Variants in NGF observed in about 807,000 individuals in gnomAD.
The protein encoded by NGF is beta-nerve growth factor.
A neutral mutation model predicts 12.8 loss-of-function variants in NGF; 4 were observed. That is an observed-to-expected ratio of 0.31 (90% confidence interval 0.15 to 0.72). NGF has a LOEUF of 0.72. Among genes scored for constraint, NGF ranks in the 30% least tolerant of loss-of-function variants. The pLI is 0.69. For synonymous variants in NGF, 140 were observed against 130.0 expected (o/e 1.08, Z -0.52); for missense variants, 283 against 330.8 (o/e 0.86, Z 1.12).
intron 1 of NGF, among the ~76,000 whole-genome samples, chr1:115,316,189 C>A (rs1006351668): frequency 6.6e-6 from 1 of 152,126 alleles, no homozygotes; most frequent in Non-Finnish European, 1.5e-5. Context: ...AAGTCATCAC[C>A]CATTTGGGCT....
At chr1:115,335,393 C>T (rs1266624300) in intron 1 of NGF, among the ~76,000 whole-genome samples, 1 of 152,168 alleles carries the variant, frequency 6.6e-6, no homozygotes, top group Non-Finnish European at 1.5e-5. Flanking sequence ...CATTTATTTA[C>T]CCAATGCCAG....
chr1:115,310,956 G>A lies in NGF; in HGVS notation c.-136-17206C>T, dbSNP rs529140939. On this transcript the variant is annotated intron_variant, in intron 1 of 2. Transcript: ENST00000369512. Reference sequence around the variant, plus strand: ...GATATTTAATACATGCCTGGTACTTGCCAGGCATTATACTAGAAGCTTTTC... The same window carrying A: ...GATATTTAATACATGCCTGGTACTTACCAGGCATTATACTAGAAGCTTTTC... 3.3e-5 allele frequency among the ~76,000 whole-genome samples: 5 copies of A among 152,232 alleles called. No individual in the cohort carries two copies. The South Asian group carries it at 1.0e-3, about 32-fold the overall frequency.
chr1:115,286,221 A>G lies in NGF; in HGVS notation c.575T>C (p.Ile192Thr), dbSNP rs2101018460. The G allele has an allele frequency of 6.2e-7, 1 of 1,614,162 alleles. No homozygotes were observed. The highest frequency in any genetic ancestry group is 2.2e-5 in the East Asian group (1 of 44,858). Reference protein sequence around the residue: ...PNPVDSGCRGIDSKHWNSYCT... With the variant: ...PNPVDSGCRGTDSKHWNSYCT... ...ATATGAGTTCCAGTGCTTTGAGTCA[A>G]TGCCCCGGCACCCGCTGTCAACGGG... The change falls in exon 3 of 3, where the codon ATT becomes ACT. Residue 192 changes from isoleucine to threonine, a missense_variant. By Grantham distance (89) the Ile-to-Thr change is moderately conservative (BLOSUM62 -1). Transcript: ENST00000369512.
intron 1 of NGF, among the ~76,000 whole-genome samples, chr1:115,303,563 C>A (rs1654105985): frequency 6.6e-6 from 1 of 152,044 alleles, no homozygotes; most frequent in Non-Finnish European, 1.5e-5. Context: ...ATCATCATCA[C>A]CATCCTCCCC....
In NGF at chr1:115,286,477, C is replaced by T; in HGVS notation, c.319G>A (p.Val107Ile). ...CTGTTGAAGGGGGCAGCACCACCGA[C>T]CTCGAAGTCCAGATCCTGAGTGTCT... ...AADTQDLDFE[V>I]GGAAPFNRTH... The change falls in exon 3 of 3, where the codon GTC becomes ATC. Residue 107 changes from valine to isoleucine, a missense_variant. Around this residue, in one of 2 missense-constraint regions of NGF, gnomAD observed 132 missense variants for 189.2 expected, o/e 0.70. Transcript: ENST00000369512. 1 of 1,613,998 alleles carries T rather than the reference C, an allele frequency of 6.2e-7. No individual in the cohort carries two copies. The highest frequency in any genetic ancestry group is 8.5e-7 in the Non-Finnish European group (1 of 1,179,968).
intron 1 of NGF, among the ~76,000 whole-genome samples, chr1:115,311,113 T>G (rs923248833): frequency 3.9e-5 from 6 of 152,232 alleles, no homozygotes; most frequent in African/African-American, 1.4e-4. Context: ...AAGATTTATC[T>G]AGTTCCAAAG....
rs546941788 is a variant in NGF, at chr1:115,300,567, C to T, written c.-136-6817G>A. ...CCGAATCTGAGGACACATCAGATAC[C>T]GTCCCACTCCACACCACTCTGGAGT... On this transcript the variant is annotated intron_variant, in intron 1 of 2. Coordinates refer to ENST00000369512, the MANE Select transcript of NGF (RefSeq NM_002506.3). Among the ~76,000 whole-genome samples, 8 of 152,298 alleles carry T rather than the reference C, an allele frequency of 5.3e-5. No individual in the cohort carries two copies. In the East Asian group the frequency reaches 9.7e-4, roughly 18 times the overall value.
At chr1:115,321,402 T>A (rs1320778924) in intron 1 of NGF, among the ~76,000 whole-genome samples, 1 of 152,188 alleles carries the variant, frequency 6.6e-6, no homozygotes, top group African/African-American at 2.4e-5. Flanking sequence ...CACCAGCTTT[T>A]TGGGTTTTTT....
At chr1:115,287,209 G>T (rs1396469261) in intron 2 of NGF, among the ~76,000 whole-genome samples, 1 of 152,188 alleles carries the variant, frequency 6.6e-6, no homozygotes, top group African/African-American at 2.4e-5. Context: ...TCTCTCCCTG[G>T]CACTTGTGCC....
chr1:115,333,702 TTTCTTTCTTTC>T (rs1228920871), intron 1 of NGF, among the ~76,000 whole-genome samples: 2 of 62,742 alleles, frequency 3.2e-5, no homozygotes, highest in Admixed American at 3.4e-4. Flanking sequence ...TCTTTCTTTC[TTTCTTTCTTTC>T]TTTTCTTTCT....
Position 115,338,221 on chromosome 1 carries a change from G to C in NGF, c.-154C>G, listed in dbSNP as rs532927301. Reference sequence around the variant, plus strand: ...TGACTCACCGCTGCGCTCCCCTCCGGCTCCCAGCGCTCTCTGCTGTGCCGG... The same window carrying C: ...TGACTCACCGCTGCGCTCCCCTCCGCCTCCCAGCGCTCTCTGCTGTGCCGG... On this transcript the variant is annotated 5_prime_UTR_variant, in exon 1 of 3. Transcript: ENST00000369512. The C allele has an allele frequency of 6.6e-6, 1 of 152,356 alleles. No individual in the cohort carries two copies. Among genetic ancestry groups the C allele is most frequent in the South Asian group, 2.1e-4 (1 of 4,820 alleles). 9.4% of individuals were successfully genotyped at this position (152,356 alleles called of 1,614,324 possible). A position where few individuals can be genotyped will look rare whatever the true frequency, so the allele number is the denominator to read the frequency against.
chr1:115,298,308 T>A (rs1653932689), intron 1 of NGF, among the ~76,000 whole-genome samples: 1 of 149,308 alleles, frequency 6.7e-6, no homozygotes, highest in Admixed American at 6.6e-5. Flanking sequence ...CAAAGTTGAT[T>A]TTTTCCCCCC....
At position 115,286,781 on chromosome 1, in the gene NGF, G is replaced by T; in HGVS notation, c.15C>A (p.Phe5Leu). ...TCAGAAAAGCTGTGATCAGAGTGTAGAACAACATGGACATTACGCTATGCA... is the reference window on the plus strand; with the variant it reads ...TCAGAAAAGCTGTGATCAGAGTGTATAACAACATGGACATTACGCTATGCA... The part of the protein sequence containing the change: MSML[F>L]YTLITAFLIG... The change falls in exon 3 of 3, where the codon TTC (phenylalanine) becomes TTA (leucine). Residue 5 changes from phenylalanine to leucine, a missense_variant. Around this residue, in one of 2 missense-constraint regions of NGF, gnomAD observed 151 missense variants for 141.6 expected, o/e 1.07. Transcript: ENST00000369512. 4.3e-6 allele frequency: 7 copies of T among 1,614,144 alleles called. No individual in the cohort carries two copies. The highest frequency in any genetic ancestry group is 5.9e-6 in the Non-Finnish European group (7 of 1,180,038).
intron 1 of NGF, among the ~76,000 whole-genome samples, chr1:115,331,430 A>G (rs1230962965): frequency 6.6e-6 from 1 of 152,096 alleles, no homozygotes; most frequent in Non-Finnish European, 1.5e-5. Flanking sequence ...TCCCTCTTGG[A>G]GGTCATATAT....
intron 1 of NGF, among the ~76,000 whole-genome samples, chr1:115,323,103 A>T (rs1457310256): frequency 2.6e-5 from 4 of 152,320 alleles, no homozygotes; most frequent in African/African-American, 9.6e-5. Context: ...TGTACAAGTT[A>T]TTGAAAGTCA....
At chr1:115,334,730 T>C (rs1164823988) in intron 1 of NGF, among the ~76,000 whole-genome samples, 1 of 152,212 alleles carries the variant, frequency 6.6e-6, no homozygotes, top group Admixed American at 6.5e-5. Flanking sequence ...TTTGAGGTTG[T>C]CACTATGACT....
intron 1 of NGF, among the ~76,000 whole-genome samples, chr1:115,304,948 T>G (rs1395805846): frequency 6.6e-6 from 1 of 152,104 alleles, no homozygotes; most frequent in Non-Finnish European, 1.5e-5. Flanking sequence ...AATTGTGAGT[T>G]TGAGTTTGGG....
At chr1:115,294,889 T>C (rs529652794) in intron 1 of NGF, among the ~76,000 whole-genome samples, 1 of 152,296 alleles carries the variant, frequency 6.6e-6, no homozygotes, top group East Asian at 1.9e-4. Context: ...ATCCTCAGGA[T>C]ATTAGGAAGG....
chr1:115,290,582 G>A (rs1301502918), intron 2 of NGF, among the ~76,000 whole-genome samples: 1 of 151,642 alleles, frequency 6.6e-6, no homozygotes, highest in East Asian at 1.9e-4. Context: ...TTTTTGCAGA[G>A]GCGGGGTTTC....
Sources: allele counts gnomAD v4.1 joint callset (sites outside exome capture counted in the v4.1 genomes callset), GRCh38; gene constraint gnomAD v4.1.1; regional missense constraint gnomAD v4.1.1; transcripts MANE v1.5; gene names NCBI Gene and HGNC (gene_info 2026-07-23, HGNC 2026-07-21).